Variants in SLC44A5 observed in about 807,000 individuals in gnomAD.
The protein encoded by SLC44A5 is solute carrier family 44 member 5.
A neutral mutation model predicts 101.8 loss-of-function variants in SLC44A5; 57 were observed. The ratio of observed to expected loss-of-function variants is 0.56; its 90% confidence interval spans 0.45 to 0.70. The LOEUF (loss-of-function observed/expected upper bound fraction) is 0.70. Ranked by LOEUF, SLC44A5 falls within the 30% of genes least tolerant of loss-of-function variation. The pLI, the probability that SLC44A5 is intolerant of heterozygous loss-of-function variation, is 0.00. For missense variants in SLC44A5, 737 were observed against 853.1 expected (o/e 0.86, Z 1.70); for synonymous variants, 281 against 290.9 (o/e 0.97, Z 0.35).
At chr1:75,467,294 T>C (rs969471374) in intron 2 of SLC44A5, among the ~76,000 whole-genome samples, 46 of 152,086 alleles carry the variant, frequency 3.0e-4, no homozygotes, top group Admixed American at 2.0e-3. Flanking sequence ...ACTATCAAAA[T>C]ACCAATGATA....
chr1:75,362,073 G>T (rs899764941), intron 3 of SLC44A5, among the ~76,000 whole-genome samples: 1 of 151,820 alleles, frequency 6.6e-6, no homozygotes, highest in Non-Finnish European at 1.5e-5. Context: ...TTTCTTTTAG[G>T]TTATCCAATT....
At chr1:75,249,090 G>A (rs767268249) in intron 7 of SLC44A5, among the ~76,000 whole-genome samples, 2 of 152,064 alleles carry the variant, frequency 1.3e-5, no homozygotes, top group Non-Finnish European at 2.9e-5. Context: ...TACTGGAAAG[G>A]TCAAGGGTTT....
At chr1:75,579,885 T>A (rs1261406107) in intron 1 of SLC44A5, among the ~76,000 whole-genome samples, 1 of 151,404 alleles carries the variant, frequency 6.6e-6, no homozygotes, top group Non-Finnish European at 1.5e-5. Context: ...GGAGATTTTT[T>A]AAAAAAGTAA....
chr1:75,702,925 G>T, the SLC44A5 span, among the ~76,000 whole-genome samples: 1 of 151,888 alleles, frequency 6.6e-6, no homozygotes, highest in African/African-American at 2.4e-5. Flanking sequence ...ATCATCACTG[G>T]CCATCAGAGA....
the SLC44A5 span, among the ~76,000 whole-genome samples, chr1:75,635,762 C>T: frequency 6.6e-6 from 1 of 151,288 alleles, no homozygotes; most frequent in Non-Finnish European, 1.5e-5. Flanking sequence ...ACATATGTAA[C>T]TAACCTGCAC....
chr1:75,259,116 C>G (rs1459441226), intron 6 of SLC44A5, among the ~76,000 whole-genome samples: 2 of 152,168 alleles, frequency 1.3e-5, no homozygotes, highest in African/African-American at 4.8e-5. Flanking sequence ...CAGAATGCAT[C>G]TTCTCCTGCA....
chr1:75,468,333 A>G (rs978690823), intron 2 of SLC44A5, among the ~76,000 whole-genome samples: 3 of 152,252 alleles, frequency 2.0e-5, no homozygotes, highest in African/African-American at 7.2e-5. Context: ...CACCCAAAAG[A>G]AAAAAGATCA....
intron 4 of SLC44A5, among the ~76,000 whole-genome samples, chr1:75,302,103 A>ATTT (rs1654495593): frequency 4.1e-5 from 3 of 73,416 alleles, no homozygotes; most frequent in Non-Finnish European, 7.2e-5. Context: ...CAGGTGCTCT[A>ATTT]GTTTTTTTGT....
At chr1:75,641,678 A>G in the SLC44A5 span, 3 of 1,509,440 alleles carry the variant, frequency 2.0e-6, no homozygotes, top group East Asian at 6.8e-5. Context: ...AATACTATAT[A>G]CCTCTCTCCA....
At chr1:75,371,513 T>C (rs940285931) in intron 3 of SLC44A5, among the ~76,000 whole-genome samples, 1 of 152,138 alleles carries the variant, frequency 6.6e-6, no homozygotes, top group South Asian at 2.1e-4. Flanking sequence ...CAGAGCATAA[T>C]ATTCAGCCTT....
chr1:75,545,265 C>T (rs1368759109), intron 1 of SLC44A5, among the ~76,000 whole-genome samples: 11 of 152,116 alleles, frequency 7.2e-5, no homozygotes, highest in African/African-American at 2.7e-4. Context: ...CGTTGATAGA[C>T]ATTTGGGTTG....
intron 2 of SLC44A5, among the ~76,000 whole-genome samples, chr1:75,404,059 G>A (rs1272772083): frequency 6.6e-6 from 1 of 151,886 alleles, no homozygotes; most frequent in African/African-American, 2.4e-5. Flanking sequence ...GCATACACAA[G>A]TATCAATAGC....
At chr1:75,399,013 G>A (rs1295523259) in intron 2 of SLC44A5, among the ~76,000 whole-genome samples, 1 of 151,790 alleles carries the variant, frequency 6.6e-6, no homozygotes, top group African/African-American at 2.4e-5. Flanking sequence ...CAGTTTTATT[G>A]CTGGGCCTTT....
chr1:75,651,254 G>A, the SLC44A5 span, among the ~76,000 whole-genome samples: 100 of 152,226 alleles, frequency 6.6e-4, no homozygotes, highest in Non-Finnish European at 4.6e-4. Context: ...CTTCAAAAAC[G>A]AGGAACTCAT....
intron 2 of SLC44A5, among the ~76,000 whole-genome samples, chr1:75,407,020 A>G (rs1050045094): frequency 1.3e-5 from 2 of 152,206 alleles, no homozygotes; most frequent in Non-Finnish European, 2.9e-5. Context: ...GTCTCAGGAT[A>G]CAAAATCAAT....
chr1:75,688,787 A>G, the SLC44A5 span, among the ~76,000 whole-genome samples: 1 of 152,176 alleles, frequency 6.6e-6, no homozygotes, highest in South Asian at 2.1e-4. Flanking sequence ...AAGGACTCCA[A>G]TCTCTAATTG....
intron 2 of SLC44A5, among the ~76,000 whole-genome samples, chr1:75,482,241 A>G (rs1570415277): frequency 3.4e-5 from 5 of 147,958 alleles, no homozygotes; most frequent in African/African-American, 1.2e-4. Flanking sequence ...GGACACAGGA[A>G]GGGGAACATC....
chr1:75,696,222 T>C, the SLC44A5 span, among the ~76,000 whole-genome samples: 196 of 152,318 alleles, frequency 1.3e-3, 2 homozygotes, highest in Middle Eastern at 0.01. Context: ...GCATACGGGA[T>C]ATGGTGCACT....
At chr1:75,669,289 C>T in the SLC44A5 span, among the ~76,000 whole-genome samples, 1 of 147,528 alleles carries the variant, frequency 6.8e-6, no homozygotes, top group Non-Finnish European at 1.5e-5. Context: ...TTCCTGAATT[C>T]CAAGCCTGAC....
Sources: gnomAD v4.1 joint callset for allele counts (sites outside exome capture counted in the v4.1 genomes callset) on GRCh38, gnomAD v4.1.1 for gene constraint, MANE v1.5 for transcripts, NCBI Gene and HGNC (gene_info 2026-07-23, HGNC 2026-07-21) for gene names.